The following PCDHB14 variants were observed in gnomAD, a reference collection of about 807,000 sequenced individuals.
PCDHB14 encodes the protein protocadherin beta 14.
For missense variants in PCDHB14, 1,129 were observed against 1,000.5 expected, an observed-to-expected ratio of 1.13 and a Z score of -1.73; for synonymous variants, 511 against 441.5, an observed-to-expected ratio of 1.16 and a Z score of -1.97.
Position 141,225,292 on chromosome 5 carries a change from C to T in PCDHB14, c.1787C>T (p.Ser596Leu), listed in dbSNP as rs1554289403. ...AAGGTGGTGGCGGTGGACGGCGACT[C>T]GGGCCAGAACGCCTGGCTGTCGTAC... ...VTKVVAVDGD[S>L]GQNAWLSYQL... Residue 596 changes from serine to leucine, a missense_variant, in exon 1 of 1, where the codon TCG (serine) becomes TTG (leucine). Coordinates refer to ENST00000239449, the MANE Select transcript of PCDHB14 (RefSeq NM_018934.4). 34 of 1,597,870 alleles carry T rather than the reference C, an allele frequency of 2.1e-5. No individual in the cohort carries two copies. The highest frequency in any genetic ancestry group is 2.3e-4 in the Middle Eastern group (1 of 4,422).
In PCDHB14 at chr5:141,225,694, G is replaced by T. The variant is rs140927180; in HGVS notation, c.2189G>T (p.Gly730Val). ...ASVGRCSVPEGPFPGHLVDVS... is the reference protein window; with the variant it reads ...ASVGRCSVPEVPFPGHLVDVS... ...GTGGGTCGCTGCTCGGTGCCCGAGG[G>T]TCCCTTTCCAGGGCATCTGGTGGAC... Residue 730 changes from glycine (G) to valine (V), a missense_variant, in exon 1 of 1, where the codon GGT becomes GTT. Transcript: ENST00000239449. 2.5e-4 allele frequency: 410 copies of T among 1,614,066 alleles called. No homozygotes were observed. The highest frequency in any genetic ancestry group is 5.0e-4 in the Admixed American group (30 of 60,006).
chr5:141,223,525 T>C lies in PCDHB14; in HGVS notation c.20T>C (p.Leu7Pro). Residue 7 changes from leucine to proline, a missense_variant, in exon 1 of 1, where the codon CTC (leucine) becomes CCC (proline). By Grantham distance (98) the Leu-to-Pro change is moderately conservative. Coordinates refer to ENST00000239449, the MANE Select transcript of PCDHB14 (RefSeq NM_018934.4). MEIRGA[L>P]DLRKRQVLIF... is the part of the protein sequence containing the mutation. The stretch of plus-strand genomic sequence containing the variant: ...GGAACCATGGAGATCAGAGGGGCAC[T>C]CGATCTGCGAAAAAGGCAAGTTCTA... 6.2e-7 allele frequency: 1 copy of C among 1,611,154 alleles called. No individual in the cohort carries two copies. The highest frequency in any genetic ancestry group is 8.5e-7 in the Non-Finnish European group (1 of 1,177,936).
rs1754762371 is a variant in PCDHB14, at chr5:141,223,574, G to A, written c.69G>A (p.Leu23=). The change falls in exon 1 of 1, where the codon TTG becomes TTA. Residue 23 remains leucine, a synonymous_variant. Transcript: ENST00000239449. ...QVLIFLVLLG[L]SRAGTESAHY... The stretch of plus-strand genomic sequence containing the variant: ...TAATATTCCTTGTTTTGCTGGGATT[G>A]TCTCGGGCAGGTACTGAATCTGCAC... 3 of 1,614,036 alleles carry A rather than the reference G, an allele frequency of 1.9e-6. No individual in the cohort carries two copies. Among genetic ancestry groups the A allele is most frequent in the African/African-American group, 1.3e-5 (1 of 74,896 alleles).
Position 141,223,950 on chromosome 5 carries a change from G to A in PCDHB14, c.445G>A (p.Gly149Arg). The A allele has an allele frequency of 6.2e-7, 1 of 1,613,884 alleles. No individual in the cohort carries two copies. The highest frequency in any genetic ancestry group is 1.1e-5 in the South Asian group (1 of 91,048). ...TAAAATATCAGAAGGTACCACTGTT[G>A]GAGCTACCTTTCTAATGGAGAGTGC... is the stretch of plus-strand genomic sequence containing the variant. ...LIKISEGTTV[G>R]ATFLMESAQD... The change falls in exon 1 of 1, where the codon GGA becomes AGA. Residue 149 changes from glycine to arginine, a missense_variant. Gly to Arg is a moderately radical substitution (Grantham distance 125, BLOSUM62 -2). Coordinates refer to ENST00000239449, the MANE Select transcript of PCDHB14 (RefSeq NM_018934.4).
chr5:141,224,285 G>T lies in PCDHB14; in HGVS notation c.780G>T (p.Trp260Cys), dbSNP rs782468626. The T allele has an allele frequency of 1.3e-5, 21 of 1,613,934 alleles. No individual in the cohort carries two copies. Among genetic ancestry groups the T allele is most frequent in the Non-Finnish European group, 1.8e-5 (21 of 1,179,996 alleles). Residue 260 changes from tryptophan to cysteine, a missense_variant, in exon 1 of 1, where the codon TGG (tryptophan) becomes TGT (cysteine). Transcript: ENST00000239449. Reference protein sequence around the residue: ...QVPEDRPLGSWIATISAKDLD... With the variant: ...QVPEDRPLGSCIATISAKDLD... The stretch of plus-strand genomic sequence containing the variant: ...CCGAGGACAGACCCCTTGGCTCCTG[G>T]ATTGCCACCATCTCAGCTAAGGATC...
At position 141,223,433 on chromosome 5, in the gene PCDHB14, A is replaced by G; in HGVS notation, c.-73A>G. The G allele has an allele frequency of 1.7e-6, 2 of 1,171,304 alleles. No individual in the cohort carries two copies. The highest frequency in any genetic ancestry group is 2.5e-6 in the Non-Finnish European group (2 of 813,186). 72.6% of individuals were successfully genotyped at this position (1,171,304 alleles called of 1,614,324 possible). A position where few individuals can be genotyped will look rare whatever the true frequency, so the allele number is the denominator to read the frequency against. ...ATACACTCTCCAGGGGGTTCCTGTTAAAAACCAGAGCTTCAGCTTCCAAAA... is the reference window on the plus strand; with the variant it reads ...ATACACTCTCCAGGGGGTTCCTGTTGAAAACCAGAGCTTCAGCTTCCAAAA... On this transcript the variant is annotated 5_prime_UTR_variant, in exon 1 of 1. Transcript: ENST00000239449.
rs1554288961 is a variant in PCDHB14, at chr5:141,223,523, A to C, written c.18A>C (p.Ala6=). 1 of 1,610,720 alleles carries C rather than the reference A, an allele frequency of 6.2e-7. No homozygotes were observed. The highest frequency in any genetic ancestry group is 1.7e-5 in the Admixed American group (1 of 59,896). MEIRG[A]LDLRKRQVLI... ...AAGGAACCATGGAGATCAGAGGGGC[A>C]CTCGATCTGCGAAAAAGGCAAGTTC... The change falls in exon 1 of 1, where the codon GCA becomes GCC. Residue 6 remains alanine, a synonymous_variant. Coordinates refer to ENST00000239449, the MANE Select transcript of PCDHB14 (RefSeq NM_018934.4).
In PCDHB14 at chr5:141,224,685, A is replaced by C; in HGVS notation, c.1180A>C (p.Lys394Gln). 6.2e-7 allele frequency: 1 copy of C among 1,613,994 alleles called. No homozygotes were observed. The highest frequency in any genetic ancestry group is 8.5e-7 in the Non-Finnish European group (1 of 1,179,988). The change falls in exon 1 of 1, where the codon AAA (lysine) becomes CAA (glutamine). Residue 394 changes from lysine (K) to glutamine (Q), a missense_variant. By Grantham distance (53) the Lys-to-Gln change is moderately conservative (BLOSUM62 1). Coordinates refer to ENST00000239449, the MANE Select transcript of PCDHB14 (RefSeq NM_018934.4). ...TCAAGATAACCTCCCTTTTTTCCTG[A>C]AACCGACCTTCAAGAACTTTTTCAC... ...SIQDNLPFFLKPTFKNFFTLV... is the reference protein window; with the variant it reads ...SIQDNLPFFLQPTFKNFFTLV...
Position 141,223,351 on chromosome 5 carries a change from TC to T in PCDHB14, c.-153del. The T allele has an allele frequency of 1.6e-6, 1 of 610,572 alleles. No individual in the cohort carries two copies. Among genetic ancestry groups the T allele is most frequent in the Non-Finnish European group, 2.9e-6 (1 of 347,732 alleles). The allele number at this position is 610,572 out of a possible 1,614,324, so 37.8% of individuals were successfully genotyped here. On this transcript the variant is annotated 5_prime_UTR_variant, in exon 1 of 1. Coordinates refer to ENST00000239449, the MANE Select transcript of PCDHB14 (RefSeq NM_018934.4). ...TCGCTATTCAGGAGAACAGAAAGCA[TC>T]CAACCCACTGAAAAGACAGGCATTA...
rs782398002 is a variant in PCDHB14 at position 141,225,088 on chromosome 5, A to G, written c.1583A>G (p.Glu528Gly). 1.9e-6 allele frequency: 3 copies of G among 1,612,220 alleles called. No homozygotes were observed. The highest frequency in any genetic ancestry group is 2.2e-5 in the East Asian group (1 of 44,868). Residue 528 changes from glutamate to glycine, a missense_variant, in exon 1 of 1, where the codon GAG becomes GGG. Physicochemically the swap from Glu to Gly is moderately conservative, Grantham distance 98. Coordinates refer to ENST00000239449, the MANE Select transcript of PCDHB14 (RefSeq NM_018934.4). ...SLDYEALQEF[E>G]FRVGATDRGS... The stretch of plus-strand genomic sequence containing the variant: ...GACTACGAGGCCCTACAGGAGTTCG[A>G]GTTTCGCGTGGGCGCCACAGACCGC...
rs566804317 is a variant in PCDHB14, at chr5:141,223,760, C to T, written c.255C>T (p.Leu85=). ...TTGATTTGCTGACTGGGAATTTGCT[C>T]CTAAATGAGAAACTAGACCGAGACG... ...LHLDLLTGNL[L]LNEKLDRDEL... is the part of the protein sequence containing the mutation. Residue 85 remains leucine (L), a synonymous_variant, in exon 1 of 1, where the codon CTC becomes CTT. Transcript: ENST00000239449. 494 of 1,614,012 alleles carry T rather than the reference C, an allele frequency of 3.1e-4. 5 individuals are homozygous for T. In the South Asian group the frequency reaches 5.0e-3, roughly 16 times the overall value.
In PCDHB14 at chr5:141,224,085, C is replaced by G; in HGVS notation, c.580C>G (p.Leu194Val). ...TAGTGACAGAAAGATATACCCAGAGCTGGTCCTAGATAGAGCTTTAGATTA... is the reference window on the plus strand; with the variant it reads ...TAGTGACAGAAAGATATACCCAGAGGTGGTCCTAGATAGAGCTTTAGATTA... Reference protein sequence around the residue: ...DSSDRKIYPELVLDRALDYEQ... With the variant: ...DSSDRKIYPEVVLDRALDYEQ... Residue 194 changes from leucine (L) to valine (V), a missense_variant, in exon 1 of 1, where the codon CTG (leucine) becomes GTG (valine). Coordinates refer to ENST00000239449, the MANE Select transcript of PCDHB14 (RefSeq NM_018934.4). 6.2e-7 allele frequency: 1 copy of G among 1,614,014 alleles called. No homozygotes were observed.
chr5:141,224,675 T>A lies in PCDHB14; in HGVS notation c.1170T>A (p.Pro390=). The A allele has an allele frequency of 6.2e-7, 1 of 1,614,120 alleles. No homozygotes were observed. The change falls in exon 1 of 1, where the codon CCT becomes CCA. Residue 390 remains proline, a synonymous_variant. Coordinates refer to ENST00000239449, the MANE Select transcript of PCDHB14 (RefSeq NM_018934.4). ...RMICSIQDNL[P]FFLKPTFKNF... is the part of the protein sequence containing the mutation. ...TTTGCTCTATTCAAGATAACCTCCC[T>A]TTTTTCCTGAAACCGACCTTCAAGA... is the stretch of plus-strand genomic sequence containing the variant.
rs782467667 is a variant in PCDHB14, at chr5:141,225,635, G to A, written c.2130G>A (p.Ala710=). Residue 710 remains alanine, a synonymous_variant, in exon 1 of 1, where the codon GCG becomes GCA. Coordinates refer to ENST00000239449, the MANE Select transcript of PCDHB14 (RefSeq NM_018934.4). ...TCTTCTCGGTGCTCCTGTTCGTGGC[G>A]GTGCGGCTGTGCAGGAGGAGCAGGG... ...LFLFSVLLFV[A]VRLCRRSRAA... is the part of the protein sequence containing the mutation. 65 of 1,613,126 alleles carry A rather than the reference G, an allele frequency of 4.0e-5. No homozygotes were observed. Among genetic ancestry groups the A allele is most frequent in the African/African-American group, 6.7e-5 (5 of 74,926 alleles).
At position 141,225,191 on chromosome 5, in the gene PCDHB14, G is replaced by A. The variant is rs1554289350; in HGVS notation, c.1686G>A (p.Leu562=). The change falls in exon 1 of 1, where the codon CTG becomes CTA. Residue 562 remains leucine, a synonymous_variant. Coordinates refer to ENST00000239449, the MANE Select transcript of PCDHB14 (RefSeq NM_018934.4). The part of the protein sequence containing the change: ...LDANDNSPFV[L]YPLQNGSAPC... ...CCAACGACAACTCGCCCTTCGTGCTGTACCCGCTGCAGAACGGCTCCGCGC... is the reference window on the plus strand; with the variant it reads ...CCAACGACAACTCGCCCTTCGTGCTATACCCGCTGCAGAACGGCTCCGCGC... 2 of 1,609,428 alleles carry A rather than the reference G, an allele frequency of 1.2e-6. No individual in the cohort carries two copies. Among genetic ancestry groups the A allele is most frequent in the South Asian group, 1.1e-5 (1 of 90,912 alleles).
At position 141,223,733 on chromosome 5, in the gene PCDHB14, C is replaced by T; in HGVS notation, c.228C>T (p.His76=). 1 of 1,613,984 alleles carries T rather than the reference C, an allele frequency of 6.2e-7. No homozygotes were observed. Among genetic ancestry groups the T allele is most frequent in the East Asian group, 2.2e-5 (1 of 44,868 alleles). ...VVSDDNKKYL[H]LDLLTGNLLL... is the part of the protein sequence containing the mutation. ...CTGATGATAATAAAAAGTATTTGCA[C>T]CTTGATTTGCTGACTGGGAATTTGC... The change falls in exon 1 of 1, where the codon CAC becomes CAT. Residue 76 remains histidine (H), a synonymous_variant. Transcript: ENST00000239449.
At position 141,223,691 on chromosome 5, in the gene PCDHB14, T is replaced by A. The variant is rs782789831; in HGVS notation, c.186T>A (p.Arg62=). 7.4e-6 allele frequency: 12 copies of A among 1,614,156 alleles called. No individual in the cohort carries two copies. The highest frequency in any genetic ancestry group is 4.4e-5 in the South Asian group (4 of 91,078). ...LGLGVEELSS[R]EARVVSDDNK... ...TGGGGGTGGAGGAGCTGTCTTCACG[T>A]GAAGCCCGGGTAGTGTCTGATGATA... The change falls in exon 1 of 1, where the codon CGT becomes CGA. Residue 62 remains arginine, a synonymous_variant. Coordinates refer to ENST00000239449, the MANE Select transcript of PCDHB14 (RefSeq NM_018934.4).
Position 141,225,194 on chromosome 5 carries a change from C to G in PCDHB14, c.1689C>G (p.Tyr563Ter), listed in dbSNP as rs781954086. 1 of 1,609,188 alleles carries G rather than the reference C, an allele frequency of 6.2e-7. No homozygotes were observed. The highest frequency in any genetic ancestry group is 2.2e-5 in the East Asian group (1 of 44,844). Reference sequence around the variant, plus strand: ...ACGACAACTCGCCCTTCGTGCTGTACCCGCTGCAGAACGGCTCCGCGCCCT... The same window carrying G: ...ACGACAACTCGCCCTTCGTGCTGTAGCCGCTGCAGAACGGCTCCGCGCCCT... ...DANDNSPFVL[Y>*]PLQNGSAPCT... Residue 563 changes from tyrosine (Y) to a stop codon, truncating the protein, a stop_gained, in exon 1 of 1, where the codon TAC becomes TAG. Transcript: ENST00000239449. LOFTEE classifies it low-confidence loss of function (END_TRUNC).
chr5:141,224,924 C>A lies in PCDHB14; in HGVS notation c.1419C>A (p.Val473=), dbSNP rs1237585654. The A allele has an allele frequency of 6.2e-7, 1 of 1,612,830 alleles. No homozygotes were observed. The highest frequency in any genetic ancestry group is 2.2e-5 in the East Asian group (1 of 44,890). Residue 473 remains valine (V), a synonymous_variant, in exon 1 of 1, where the codon GTC becomes GTA. Coordinates refer to ENST00000239449, the MANE Select transcript of PCDHB14 (RefSeq NM_018934.4). ...GCCCCGCCCTGCACATCGGCAGCGT[C>A]AGCGCCACAGACAGAGACTCAGGCA... ...NNSPALHIGS[V]SATDRDSGTN... is the part of the protein sequence containing the mutation.
Sources: gnomAD v4.1 joint callset for allele counts on GRCh38, gnomAD v4.1.1 for gene constraint, MANE v1.5 for transcripts, NCBI Gene and HGNC (gene_info 2026-07-23, HGNC 2026-07-21) for gene names.